PAPSS1: variants seen among roughly 807,000 people sequenced by gnomAD.
PAPSS1 encodes 3'-phosphoadenosine 5'-phosphosulfate synthase 1.
PAPSS1 carries 50 observed loss-of-function variants against 72.0 expected under a neutral mutation model. The ratio of observed to expected loss-of-function variants is 0.69; its 90% confidence interval spans 0.55 to 0.88. The LOEUF (loss-of-function observed/expected upper bound fraction) is 0.88, where lower values mean the gene tolerates loss of function less well. PAPSS1 is among the 40% of genes least tolerant of loss of function. PAPSS1 has a pLI of 0.00. For missense variants in PAPSS1, 657 were observed against 782.2 expected (o/e 0.84, Z 1.91); for synonymous variants, 261 against 263.6 (o/e 0.99, Z 0.09).
chr4:107,718,522 A>C (rs2125945792), intron 1 of PAPSS1: 1 of 152,362 alleles, frequency 6.6e-6, no homozygotes, highest in Admixed American at 6.5e-5. Flanking sequence ...CTCTCCTCTA[A>C]ATTGCAATAA....
At chr4:107,688,069 A>G (rs1001128587) in intron 3 of PAPSS1, among the ~76,000 whole-genome samples, 1 of 151,894 alleles carries the variant, frequency 6.6e-6, no homozygotes, top group Admixed American at 6.6e-5. Flanking sequence ...TTATCTACAT[A>G]CTAATGATCC....
chr4:107,625,830 T>C (rs1467818598), intron 11 of PAPSS1, among the ~76,000 whole-genome samples: 1 of 152,118 alleles, frequency 6.6e-6, no homozygotes, highest in Non-Finnish European at 1.5e-5. Context: ...GAAAAAGCCT[T>C]GAAGGATGCC....
intron 1 of PAPSS1, 35 bp downstream of exon 1, chr4:107,720,085 C>G: frequency 6.3e-7 from 1 of 1,594,098 alleles, no homozygotes. Flanking sequence ...ACAGCCCCTC[C>G]GCTCCTCGCC....
chr4:107,700,970 T>G (rs947131850), intron 2 of PAPSS1, among the ~76,000 whole-genome samples: 1 of 151,670 alleles, frequency 6.6e-6, no homozygotes, highest in African/African-American at 2.4e-5. Context: ...CATTGTGGTT[T>G]TTACCTTTAT....
chr4:107,653,489 A>T lies in PAPSS1; in HGVS notation c.1237+2T>A. 1.2e-6 allele frequency: 2 copies of T among 1,610,396 alleles called. No individual in the cohort carries two copies. Among genetic ancestry groups the T allele is most frequent in the Non-Finnish European group, 1.7e-6 (2 of 1,178,556 alleles). Reference sequence around the variant, plus strand: ...TATTAGGTAATTAAATCCATGTCTTACCAGCATTCATATCTTTAAATTTCT... The same window carrying T: ...TATTAGGTAATTAAATCCATGTCTTTCCAGCATTCATATCTTTAAATTTCT... On this transcript the variant is annotated splice_donor_variant, in intron 9 of 11. Transcript: ENST00000265174. LOFTEE classifies it high-confidence loss of function.
chr4:107,705,069 G>A (rs1723306444), intron 1 of PAPSS1, among the ~76,000 whole-genome samples: 1 of 152,174 alleles, frequency 6.6e-6, no homozygotes, highest in South Asian at 2.1e-4. Flanking sequence ...GCTACTATGT[G>A]TTCAGGATTT....
chr4:107,639,635 G>C (rs1726485812), intron 10 of PAPSS1, among the ~76,000 whole-genome samples: 1 of 152,148 alleles, frequency 6.6e-6, no homozygotes. Flanking sequence ...CAAGATAAAT[G>C]AGAAGACAAA....
At chr4:107,675,146 A>C (rs1727604049) in intron 5 of PAPSS1, among the ~76,000 whole-genome samples, 1 of 152,182 alleles carries the variant, frequency 6.6e-6, no homozygotes, top group African/African-American at 2.4e-5. Context: ...GAGCAAACAC[A>C]TTCAAAAGCT....
At chr4:107,697,405 T>C (rs1723096842) in intron 2 of PAPSS1, among the ~76,000 whole-genome samples, 1 of 152,122 alleles carries the variant, frequency 6.6e-6, no homozygotes, top group Admixed American at 6.5e-5. Context: ...GTGGCTAGGG[T>C]GAAAAAGGTT....
At chr4:107,645,849 G>A (rs1726679498) in intron 9 of PAPSS1, among the ~76,000 whole-genome samples, 1 of 152,142 alleles carries the variant, frequency 6.6e-6, no homozygotes, top group African/African-American at 2.4e-5. Context: ...GAGAGGAACA[G>A]CCTCTCTCTT....
At chr4:107,694,054 T>A (rs375121143) in intron 2 of PAPSS1, 48 bp from the exon 3 acceptor site, 1 of 1,330,470 alleles carries the variant, frequency 7.5e-7, no homozygotes, top group Non-Finnish European at 1.1e-6. Context: ...GTTAGAAGGA[T>A]AACTATGTAG....
chr4:107,673,932 A>C (rs1040615195), intron 5 of PAPSS1, among the ~76,000 whole-genome samples: 1 of 152,252 alleles, frequency 6.6e-6, no homozygotes, highest in African/African-American at 2.4e-5. Flanking sequence ...TCAGAATTTC[A>C]TATGCAGCCA....
At chr4:107,673,792 A>G (rs948763613) in intron 5 of PAPSS1, among the ~76,000 whole-genome samples, 2 of 152,216 alleles carry the variant, frequency 1.3e-5, no homozygotes, top group Non-Finnish European at 2.9e-5. Context: ...AAGGGCAGCC[A>G]GAGAGAAAGG....
At chr4:107,653,461 C>T (rs1410748348) in intron 9 of PAPSS1, 30 bp downstream of exon 9, 1 of 1,588,902 alleles carries the variant, frequency 6.3e-7, no homozygotes, top group African/African-American at 1.4e-5. Flanking sequence ...CCAAGCCGGC[C>T]TATATTAGGT....
At chr4:107,646,308 TATACACAC>T (rs1475060760) in intron 9 of PAPSS1, among the ~76,000 whole-genome samples, 2 of 142,696 alleles carry the variant, frequency 1.4e-5, no homozygotes, top group African/African-American at 2.9e-5. Context: ...TATATATATA[TATACACAC>T]ACACACACAC....
intron 6 of PAPSS1, among the ~76,000 whole-genome samples, chr4:107,657,606 C>T (rs1182045820): frequency 6.6e-6 from 1 of 151,906 alleles, no homozygotes; most frequent in African/African-American, 2.4e-5. Context: ...TCCTGTAGTC[C>T]CAGCTACAGG....
intron 11 of PAPSS1, among the ~76,000 whole-genome samples, chr4:107,618,593 G>A (rs932108642): frequency 3.6e-4 from 54 of 151,958 alleles, no homozygotes; most frequent in African/African-American, 1.3e-3. Flanking sequence ...AAGGTGGTGG[G>A]GGAGTGGAGA....
chr4:107,621,778 G>A (rs972149992), intron 11 of PAPSS1, among the ~76,000 whole-genome samples: 1 of 151,376 alleles, frequency 6.6e-6, no homozygotes, highest in Non-Finnish European at 1.5e-5. Context: ...CTGCCACCAC[G>A]CCTGGCTAAT....
At chr4:107,643,225 T>A (rs72883546) in intron 10 of PAPSS1, among the ~76,000 whole-genome samples, 280 of 152,354 alleles carry the variant, frequency 1.8e-3, no homozygotes, top group African/African-American at 6.2e-3. Context: ...GATTTAATGC[T>A]GTGATGCAAT....
Sources: gnomAD v4.1 joint callset for allele counts (sites outside exome capture counted in the v4.1 genomes callset) on GRCh38, gnomAD v4.1.1 for gene constraint, MANE v1.5 for transcripts, NCBI Gene and HGNC (gene_info 2026-07-23, HGNC 2026-07-21) for gene names.